SYTL2: variants seen among roughly 807,000 people sequenced by gnomAD.
SYTL2 encodes synaptotagmin-like protein 2.
SYTL2 carries 165 observed loss-of-function variants against 198.7 expected under a neutral mutation model. The ratio of observed to expected loss-of-function variants is 0.83; its 90% confidence interval spans 0.73 to 0.94. SYTL2 has a LOEUF of 0.94. Ranked by LOEUF, SYTL2 falls within the 40% of genes least tolerant of loss-of-function variation. SYTL2 has a pLI of 0.00. For synonymous variants in SYTL2, 966 were observed against 917.7 expected (o/e 1.05, Z -0.95); for missense variants, 2,835 against 2,582.8 (o/e 1.10, Z -2.12).
chr11:85,709,407 G>C lies in SYTL2; in HGVS notation c.5839C>G (p.Leu1947Val). 1 of 1,614,080 alleles carries C rather than the reference G, an allele frequency of 6.2e-7. No individual in the cohort carries two copies. ...GCCACAAAAACATGCAACTCCTTCA[G>C]TGACTCCACATATTCAATTGCAAAC... is the stretch of plus-strand genomic sequence containing the variant. The part of the protein sequence containing the change: ...IQFAIEYVES[L>V]KELHVFVAQC... Residue 1947 changes from leucine (L) to valine (V), a missense_variant, in exon 14 of 20, where the codon CTG becomes GTG. Transcript: ENST00000359152.
chr11:85,739,919 T>G (rs2090658177), intron 4 of SYTL2, among the ~76,000 whole-genome samples: 1 of 152,150 alleles, frequency 6.6e-6, no homozygotes, highest in Non-Finnish European at 1.5e-5. Context: ...GATTCTTCCC[T>G]CCCAGAGACT....
chr11:85,729,646 C>G (rs2089598202), intron 7 of SYTL2, among the ~76,000 whole-genome samples: 1 of 152,080 alleles, frequency 6.6e-6, no homozygotes, highest in Non-Finnish European at 1.5e-5. Flanking sequence ...TGGGAAAGAT[C>G]TAAAATCAAC....
upstream of SYTL2, among the ~76,000 whole-genome samples, chr11:85,811,481 C>T (rs1174945451): frequency 2.0e-5 from 3 of 152,086 alleles, no homozygotes; most frequent in Admixed American, 6.6e-5. Flanking sequence ...GCCTTGGAGC[C>T]CGAGAGTGTG....
intron 15 of SYTL2, among the ~76,000 whole-genome samples, chr11:85,705,451 C>T (rs1431961092): frequency 6.6e-6 from 1 of 152,130 alleles, no homozygotes; most frequent in East Asian, 1.9e-4. Flanking sequence ...TTTCGGTTTA[C>T]AGCAAAACTG....
intron 19 of SYTL2, 59 bp downstream of exon 19, chr11:85,696,124 C>T: frequency 2.1e-6 from 3 of 1,413,634 alleles, no homozygotes; most frequent in Non-Finnish European, 3.0e-6. Context: ...AACAAACAAA[C>T]CTCTAGTATC....
intron 1 of SYTL2, among the ~76,000 whole-genome samples, chr11:85,804,493 T>C (rs2092932091): frequency 6.6e-6 from 1 of 152,232 alleles, no homozygotes; most frequent in South Asian, 2.1e-4. Flanking sequence ...ATTTAAATTA[T>C]ATGGGCCTCA....
upstream of SYTL2, among the ~76,000 whole-genome samples, chr11:85,814,111 G>T (rs1261673131): frequency 4.6e-5 from 7 of 152,148 alleles, no homozygotes; most frequent in African/African-American, 1.7e-4. Flanking sequence ...ATAGCATATT[G>T]CCTGGCCCAA....
the SYTL2 span, among the ~76,000 whole-genome samples, chr11:85,819,458 G>A: frequency 6.6e-5 from 10 of 152,292 alleles, no homozygotes; most frequent in African/African-American, 1.4e-4. Flanking sequence ...TCAGCTGAGG[G>A]TGGAAGCCCC....
upstream of SYTL2, among the ~76,000 whole-genome samples, chr11:85,811,693 A>G (rs1184037939): frequency 6.6e-6 from 1 of 152,222 alleles, no homozygotes; most frequent in Non-Finnish European, 1.5e-5. Context: ...TAATACCTAG[A>G]GAAAGGTGAG....
intron 1 of SYTL2, among the ~76,000 whole-genome samples, chr11:85,805,204 A>G (rs1319998906): frequency 6.6e-6 from 1 of 152,012 alleles, no homozygotes; most frequent in Non-Finnish European, 1.5e-5. Flanking sequence ...AACTAAAAGA[A>G]AAAGGGCCGA....
At chr11:85,815,149 AAAC>A (rs2093059931), upstream of SYTL2, among the ~76,000 whole-genome samples, 1 of 152,218 alleles carries the variant, frequency 6.6e-6, no homozygotes, top group South Asian at 2.1e-4. Context: ...TTGCATTGAC[AAAC>A]AGGTCTCTCA....
At chr11:85,776,126 T>A (rs533283119) in intron 1 of SYTL2, among the ~76,000 whole-genome samples, 26 of 152,298 alleles carry the variant, frequency 1.7e-4, no homozygotes, top group Non-Finnish European at 3.4e-4. Flanking sequence ...CTTTGCTTCC[T>A]CTCTTGCCAA....
chr11:85,840,407 GT>G, the SYTL2 span, among the ~76,000 whole-genome samples: 4 of 152,052 alleles, frequency 2.6e-5, no homozygotes, highest in Non-Finnish European at 5.9e-5. Flanking sequence ...TCTTGTAGTA[GT>G]TTCATAGTTT....
At chr11:85,771,912 A>AT (rs1390482903) in intron 1 of SYTL2, among the ~76,000 whole-genome samples, 3 of 151,678 alleles carry the variant, frequency 2.0e-5, no homozygotes, top group African/African-American at 7.3e-5. Flanking sequence ...ATATATATAT[A>AT]TATTTTTTGA....
chr11:85,759,887 T>A (rs1276496600), intron 1 of SYTL2, among the ~76,000 whole-genome samples: 2 of 152,136 alleles, frequency 1.3e-5, no homozygotes, highest in Non-Finnish European at 2.9e-5. Flanking sequence ...TTCCATAACT[T>A]CCATACCCCA....
chr11:85,747,491 C>A (rs1359696598), intron 3 of SYTL2, among the ~76,000 whole-genome samples: 1 of 152,058 alleles, frequency 6.6e-6, no homozygotes, highest in Admixed American at 6.6e-5. Context: ...AAGATTTCCC[C>A]CCAAACCTTT....
intron 4 of SYTL2, among the ~76,000 whole-genome samples, chr11:85,744,284 CTATTAA>C (rs1267148782): frequency 6.6e-6 from 1 of 152,174 alleles, no homozygotes; most frequent in East Asian, 1.9e-4. Context: ...TGCTAGCAAA[CTATTAA>C]TATTATTGTT....
rs556385657 is a variant in SYTL2 at position 85,755,876 on chromosome 11, G to C, written c.101+1749C>G. Among the ~76,000 whole-genome samples, 5 of 152,218 alleles carry C rather than the reference G, an allele frequency of 3.3e-5. No individual in the cohort carries two copies. In the East Asian group the frequency reaches 9.7e-4, roughly 29 times the overall value. ...CACCTCCTGAGCAGAAGGAATCAAA[G>C]GTACTTGCACCTCTCCAAAATGCAG... On this transcript the variant is annotated intron_variant, in intron 2 of 19. Transcript: ENST00000359152.
Position 85,726,521 on chromosome 11 carries a change from T to G in SYTL2, c.2837A>C (p.Glu946Ala). The change falls in exon 8 of 20, where the codon GAG becomes GCG. Residue 946 changes from glutamate to alanine, a missense_variant. Transcript: ENST00000359152. The stretch of plus-strand genomic sequence containing the variant: ...TTCACGAACTAGAGGTCTGTCTTTC[T>G]CCAATGGAGCATGTCGTTCACTCCC... ...NVGSERHAPL[E>A]KDRPLVRESN... 6.2e-7 allele frequency: 1 copy of G among 1,604,180 alleles called. No individual in the cohort carries two copies. The highest frequency in any genetic ancestry group is 8.5e-7 in the Non-Finnish European group (1 of 1,179,836).
Sources: allele counts gnomAD v4.1 joint callset (sites outside exome capture counted in the v4.1 genomes callset), GRCh38; gene constraint gnomAD v4.1.1; transcripts MANE v1.5; gene names NCBI Gene and HGNC (gene_info 2026-07-23, HGNC 2026-07-21).